Variants in AP3M1 observed in about 807,000 individuals in gnomAD.
AP3M1 encodes adaptor related protein complex 3 subunit mu 1.
Under a neutral mutation model 42.6 loss-of-function variants are expected in AP3M1, and 29 were observed. The observed-to-expected ratio is 0.68, with a 90% CI of 0.51 to 0.93. The LOEUF (loss-of-function observed/expected upper bound fraction) is 0.93, where lower values mean the gene tolerates loss of function less well. Ranked by LOEUF, AP3M1 falls within the 40% of genes least tolerant of loss-of-function variation. The pLI is 0.00. For synonymous variants in AP3M1, 178 were observed against 175.3 expected (o/e 1.02, Z -0.12); for missense variants, 416 against 510.2 (o/e 0.82, Z 1.78).
intron 4 of AP3M1, 149 bp from the exon 5 acceptor site, chr10:74,130,141 G>A (rs1019184076): frequency 1.6e-6 from 1 of 627,748 alleles, no homozygotes; most frequent in African/African-American, 1.8e-5. Context: ...TATGATCATA[G>A]CTCACTGCAG....
chr10:74,133,669 CTTTTT>C (rs111439833), intron 4 of AP3M1, among the ~76,000 whole-genome samples: 1 of 142,978 alleles, frequency 7.0e-6, no homozygotes, highest in Non-Finnish European at 1.5e-5. Flanking sequence ...CTTTCTTCTT[CTTTTT>C]TTTTTTTTTG....
At chr10:74,149,647 G>A (rs1305820677) in intron 1 of AP3M1, among the ~76,000 whole-genome samples, 2 of 152,110 alleles carry the variant, frequency 1.3e-5, no homozygotes, top group Admixed American at 6.5e-5. Context: ...CTCCTATAGT[G>A]TCAATTGAAA....
chr10:74,138,199 G>A lies in AP3M1; in HGVS notation c.181C>T (p.Arg61Trp), dbSNP rs141167605. 3.1e-6 allele frequency: 5 copies of A among 1,613,962 alleles called. No homozygotes were observed. Among genetic ancestry groups the A allele is most frequent in the African/African-American group, 1.3e-5 (1 of 74,884 alleles). ...ACAGATACAAAGAAGAGCTTATCCC[G>A]GTAGATACTGATGAGGTAGTGGTGA... ...TPHHYLISIY[R>W]DKLFFVSVIQ... The change falls in exon 2 of 9, where the codon CGG becomes TGG. Residue 61 changes from arginine (R) to tryptophan (W), a missense_variant. Coordinates refer to ENST00000355264, the MANE Select transcript of AP3M1 (RefSeq NM_012095.6).
At chr10:74,137,692 C>T (rs1467219655) in intron 2 of AP3M1, among the ~76,000 whole-genome samples, 1 of 152,232 alleles carries the variant, frequency 6.6e-6, no homozygotes. Flanking sequence ...AACTTATACA[C>T]ATCCTCCTAT....
At chr10:74,128,667 T>C (rs1345592475) in intron 6 of AP3M1, among the ~76,000 whole-genome samples, 1 of 152,000 alleles carries the variant, frequency 6.6e-6, no homozygotes, top group Non-Finnish European at 1.5e-5. Flanking sequence ...CTACAGACTA[T>C]GGTAAGATTA....
intron 2 of AP3M1, 35 bp from the exon 3 acceptor site, chr10:74,136,838 A>G: frequency 3.5e-6 from 5 of 1,432,878 alleles, no homozygotes; most frequent in Non-Finnish European, 4.7e-6. Context: ...ACACAATGGA[A>G]GGCAAAAAGA....
intron 4 of AP3M1, among the ~76,000 whole-genome samples, chr10:74,133,786 C>G (rs1411167594): frequency 2.6e-5 from 4 of 151,504 alleles, no homozygotes; most frequent in Admixed American, 2.6e-4. Flanking sequence ...TCCCGAGTAG[C>G]TGGGATTACA....
intron 2 of AP3M1, among the ~76,000 whole-genome samples, chr10:74,137,653 T>C (rs1840987539): frequency 6.6e-6 from 1 of 152,216 alleles, no homozygotes; most frequent in Admixed American, 6.5e-5. Context: ...CTCAAGTCGC[T>C]GACATAAAAT....
At chr10:74,128,060 A>G (rs1840668742) in intron 6 of AP3M1, among the ~76,000 whole-genome samples, 1 of 143,118 alleles carries the variant, frequency 7.0e-6, no homozygotes, top group African/African-American at 2.7e-5. Flanking sequence ...AGATTTCACC[A>G]TTGCACTCCA....
Position 74,124,447 on chromosome 10 carries a change from T to A in AP3M1, c.1089A>T (p.Gly363=). 1 of 1,613,740 alleles carries A rather than the reference T, an allele frequency of 6.2e-7. No homozygotes were observed. The highest frequency in any genetic ancestry group is 8.5e-7 in the Non-Finnish European group (1 of 1,179,832). Residue 363 remains glycine, a synonymous_variant, in exon 8 of 9, where the codon GGA becomes GGT. Transcript: ENST00000355264. ...SLKGLVNLQS[G]APKPEENPSL... is the part of the protein sequence containing the mutation. ...TCGGATTCTCTTCTGGTTTGGGGGC[T>A]CCAGACTGTAAATTTACCAGTCCTT...
At chr10:74,144,813 C>T (rs752890800) in intron 1 of AP3M1, among the ~76,000 whole-genome samples, 2 of 152,036 alleles carry the variant, frequency 1.3e-5, no homozygotes, top group Non-Finnish European at 2.9e-5. Context: ...CAGGCATGCG[C>T]CACCATGCCC....
At chr10:74,128,834 GTA>G (rs1297237086) in intron 6 of AP3M1, 4 of 315,096 alleles carry the variant, frequency 1.3e-5, no homozygotes, top group Non-Finnish European at 1.2e-5. Flanking sequence ...CAAAGGACCG[GTA>G]CCACAATTTT....
intron 1 of AP3M1, among the ~76,000 whole-genome samples, chr10:74,148,301 G>A (rs1359354889): frequency 2.0e-5 from 3 of 152,138 alleles, no homozygotes; most frequent in African/African-American, 7.2e-5. Flanking sequence ...TGAGAGACTA[G>A]GTCAAAGGGT....
In AP3M1 at chr10:74,136,653, A is replaced by G; in HGVS notation, c.424T>C (p.Ser142Pro). Residue 142 changes from serine (S) to proline (P), a missense_variant, in exon 3 of 9, where the codon TCT (serine) becomes CCT (proline). Transcript: ENST00000355264. ...ELIKPPTILR[S>P]VVNSITGSSN... ...TTACCTGTAATAGAGTTGACAACAG[A>G]GCGTAGAATTGTTGGTGGTTTAATC... 1 of 1,579,442 alleles carries G rather than the reference A, an allele frequency of 6.3e-7. No individual in the cohort carries two copies. The highest frequency in any genetic ancestry group is 8.7e-7 in the Non-Finnish European group (1 of 1,154,060).
intron 4 of AP3M1, among the ~76,000 whole-genome samples, chr10:74,133,318 C>T (rs1294977209): frequency 1.3e-5 from 2 of 151,316 alleles, no homozygotes; most frequent in African/African-American, 2.4e-5. Context: ...TGCTTGAACC[C>T]GGGAGGCGGA....
chr10:74,133,230 A>C (rs72816374), intron 4 of AP3M1, among the ~76,000 whole-genome samples: 9 of 152,220 alleles, frequency 5.9e-5, no homozygotes, highest in African/African-American at 9.6e-5. Flanking sequence ...TCCCATCTCC[A>C]CCAAAAACAC....
intron 5 of AP3M1, among the ~76,000 whole-genome samples, chr10:74,129,456 G>A (rs1840710562): frequency 6.6e-6 from 1 of 152,104 alleles, no homozygotes; most frequent in South Asian, 2.1e-4. Flanking sequence ...AAGGAGAAAA[G>A]GCAAGTAGTA....
At chr10:74,142,017 G>A (rs139656121) in intron 1 of AP3M1, among the ~76,000 whole-genome samples, 2 of 152,084 alleles carry the variant, frequency 1.3e-5, no homozygotes, top group Non-Finnish European at 2.9e-5. Flanking sequence ...CACCGCACCT[G>A]GCCAATGTTT....
At chr10:74,126,035 G>T in intron 7 of AP3M1, 113 bp downstream of exon 7, 1 of 1,092,474 alleles carries the variant, frequency 9.2e-7, no homozygotes, top group Non-Finnish European at 1.4e-6. Flanking sequence ...TCTAGGTTTT[G>T]ATACGAACTT....
Sources: gnomAD v4.1 joint callset for allele counts (sites outside exome capture counted in the v4.1 genomes callset) on GRCh38, gnomAD v4.1.1 for gene constraint, MANE v1.5 for transcripts, NCBI Gene and HGNC (gene_info 2026-07-23, HGNC 2026-07-21) for gene names.